CRTC3: variants seen among roughly 807,000 people sequenced by gnomAD.
The protein encoded by CRTC3 is CREB-regulated transcription coactivator 3.
A neutral mutation model predicts 74.5 loss-of-function variants in CRTC3; 26 were observed. The ratio of observed to expected loss-of-function variants is 0.35; its 90% CI spans 0.26 to 0.48. The LOEUF (loss-of-function observed/expected upper bound fraction) is 0.48. Among genes scored for constraint, CRTC3 ranks in the 20% least tolerant of loss-of-function variants. The pLI is 0.99. For missense variants in CRTC3, 760 were observed against 787.3 expected (o/e 0.97, Z 0.41); for synonymous variants, 377 against 325.8 (o/e 1.16, Z -1.69).
chr15:90,551,273 A>C (rs1213175755), intron 2 of CRTC3, among the ~76,000 whole-genome samples: 1 of 152,192 alleles, frequency 6.6e-6, no homozygotes, highest in Non-Finnish European at 1.5e-5. Context: ...TAGTAATACA[A>C]ATCGTGCTTA....
chr15:90,575,265 C>T (rs1967376731), intron 2 of CRTC3, among the ~76,000 whole-genome samples: 1 of 152,068 alleles, frequency 6.6e-6, no homozygotes, highest in African/African-American at 2.4e-5. Context: ...GCGGGAAAAT[C>T]GCTTGAACCC....
chr15:90,623,582 G>C (rs1396983457), intron 9 of CRTC3, among the ~76,000 whole-genome samples: 1 of 151,998 alleles, frequency 6.6e-6, no homozygotes, highest in Admixed American at 6.5e-5. Flanking sequence ...GTGGCCTCCT[G>C]CTGGAGCGTT....
intron 11 of CRTC3, among the ~76,000 whole-genome samples, chr15:90,630,254 G>A (rs926362409): frequency 6.6e-6 from 1 of 152,180 alleles, no homozygotes; most frequent in Admixed American, 6.5e-5. Context: ...TAAGCCATAG[G>A]GGAAAGCCAA....
intron 2 of CRTC3, among the ~76,000 whole-genome samples, chr15:90,566,826 T>G (rs766292451): frequency 1.3e-5 from 2 of 151,678 alleles, no homozygotes; most frequent in Non-Finnish European, 2.9e-5. Context: ...TTCTCTTGCT[T>G]CAGCCTCCCG....
In CRTC3 at chr15:90,609,877, CCTT is replaced by C. The variant is rs1174787193; in HGVS notation, c.577+2400_577+2402del. Reference sequence around the variant, plus strand: ...TGACTTGAGAATCGTGGTGGTCTCTCCTTTTCAAATCAGCAGTTAGAAATTGTT... The same window carrying C: ...TGACTTGAGAATCGTGGTGGTCTCTCTTCAAATCAGCAGTTAGAAATTGTT... On this transcript the variant is annotated intron_variant, in intron 6 of 14. Coordinates refer to ENST00000268184, the MANE Select transcript of CRTC3 (RefSeq NM_022769.5). Among the ~76,000 whole-genome samples the C allele has an allele frequency of 3.3e-5, 5 of 152,304 alleles. No individual in the cohort carries two copies. In the East Asian group the frequency reaches 9.6e-4, roughly 29 times the overall value.
At chr15:90,577,309 A>G (rs879296040) in intron 2 of CRTC3, among the ~76,000 whole-genome samples, 1 of 152,222 alleles carries the variant, frequency 6.6e-6, no homozygotes, top group Admixed American at 6.5e-5. Context: ...TTGAGGACCA[A>G]GTAATACTGA....
chr15:90,549,146 A>G (rs1289376765), intron 2 of CRTC3, among the ~76,000 whole-genome samples: 4 of 152,162 alleles, frequency 2.6e-5, no homozygotes, highest in East Asian at 1.9e-4. Flanking sequence ...ATATGTATGT[A>G]TAGTTTTGTA....
chr15:90,589,390 C>T (rs150778796), intron 2 of CRTC3, among the ~76,000 whole-genome samples: 10 of 151,904 alleles, frequency 6.6e-5, no homozygotes, highest in South Asian at 2.1e-4. Flanking sequence ...CTTGTTCTGT[C>T]ACCCAGGCTG....
chr15:90,632,385 C>A (rs1007258068), intron 11 of CRTC3, among the ~76,000 whole-genome samples: 1 of 151,858 alleles, frequency 6.6e-6, no homozygotes, highest in African/African-American at 2.4e-5. Flanking sequence ...TGCTTAAGGC[C>A]CGGAGTTCAA....
At chr15:90,531,145 T>C (rs974107717) in intron 1 of CRTC3, among the ~76,000 whole-genome samples, 2 of 152,196 alleles carry the variant, frequency 1.3e-5, no homozygotes, top group African/African-American at 4.8e-5. Context: ...TGCAGACACA[T>C]TATTTTTTGG....
intron 2 of CRTC3, among the ~76,000 whole-genome samples, chr15:90,567,272 T>C (rs1967143732): frequency 6.6e-6 from 1 of 152,166 alleles, no homozygotes; most frequent in Non-Finnish European, 1.5e-5. Flanking sequence ...GTTTGCAGCA[T>C]GGTTTACTGT....
At chr15:90,577,791 T>C (rs1022590781) in intron 2 of CRTC3, among the ~76,000 whole-genome samples, 3 of 152,220 alleles carry the variant, frequency 2.0e-5, no homozygotes, top group Non-Finnish European at 4.4e-5. Context: ...ATATCGCATG[T>C]TCTCACTCAT....
chr15:90,551,419 T>A (rs1966856244), intron 2 of CRTC3, among the ~76,000 whole-genome samples: 1 of 152,194 alleles, frequency 6.6e-6, no homozygotes, highest in Non-Finnish European at 1.5e-5. Flanking sequence ...CATTAATTAA[T>A]TGTATTTAAT....
intron 6 of CRTC3, 52 bp from the exon 7 acceptor site, chr15:90,614,400 AT>A: frequency 1.5e-6 from 2 of 1,337,142 alleles, no homozygotes. Context: ...ATTCATGAAA[AT>A]GAAAGTACCA....
rs76831908 is a variant in CRTC3 at position 90,645,310 on chromosome 15, T to C, written c.*3170T>C. 7,428 of 210,178 alleles carry C rather than the reference T, an allele frequency of 0.035. 553 individuals are homozygous for C. Among genetic ancestry groups the C allele is most frequent in the African/African-American group, 0.16 (6,892 of 44,112 alleles). The allele number at this position is 210,178 out of a possible 1,614,324, so 13.0% of individuals were successfully genotyped here. A position where few individuals can be genotyped will look rare whatever the true frequency, so the allele number is the denominator to read the frequency against. ...TTATAATGCATCATTTTACATCTTTTGTAATTAAAAGCATCACAATGAGGT... is the reference window on the plus strand; with the variant it reads ...TTATAATGCATCATTTTACATCTTTCGTAATTAAAAGCATCACAATGAGGT... On this transcript the variant is annotated 3_prime_UTR_variant, in exon 15 of 15. Coordinates refer to ENST00000268184, the MANE Select transcript of CRTC3 (RefSeq NM_022769.5).
chr15:90,568,357 C>T (rs1329940924), intron 2 of CRTC3, among the ~76,000 whole-genome samples: 1 of 151,774 alleles, frequency 6.6e-6, no homozygotes, highest in African/African-American at 2.4e-5. Flanking sequence ...GGATTGACTC[C>T]AATTTTTTTT....
intron 2 of CRTC3, among the ~76,000 whole-genome samples, chr15:90,569,242 C>T (rs1047615740): frequency 4.6e-5 from 7 of 150,688 alleles, no homozygotes; most frequent in Non-Finnish European, 8.9e-5. Context: ...GGCTTTAAGC[C>T]GTCTTCCTGC....
chr15:90,634,565 T>C (rs1969163226), intron 11 of CRTC3, among the ~76,000 whole-genome samples: 1 of 152,180 alleles, frequency 6.6e-6, no homozygotes, highest in Non-Finnish European at 1.5e-5. Flanking sequence ...CTTTCCAAGA[T>C]TGTGTGTGTC....
chr15:90,639,142 C>T (rs566812329), intron 13 of CRTC3, among the ~76,000 whole-genome samples: 1 of 152,226 alleles, frequency 6.6e-6, no homozygotes, highest in African/African-American at 2.4e-5. Flanking sequence ...GAAACTGAGG[C>T]ATAGGGAGAG....
Sources: allele counts gnomAD v4.1 joint callset (sites outside exome capture counted in the v4.1 genomes callset), GRCh38; gene constraint gnomAD v4.1.1; transcripts MANE v1.5; gene names NCBI Gene and HGNC (gene_info 2026-07-23, HGNC 2026-07-21).